The following ABTB3 variants were observed in gnomAD, a reference collection of about 807,000 sequenced individuals.
ABTB3 encodes the protein ankyrin repeat and BTB domain containing 3.
At chr12:107,560,935 G>T in the ABTB3 span, among the ~76,000 whole-genome samples, 1 of 152,214 alleles carries the variant, frequency 6.6e-6, no homozygotes, top group Non-Finnish European at 1.5e-5. Flanking sequence ...TTTTCTGTGT[G>T]TATAAGAAGC....
the ABTB3 span, among the ~76,000 whole-genome samples, chr12:107,415,929 A>C: frequency 7.9e-5 from 12 of 152,082 alleles, no homozygotes; most frequent in Admixed American, 6.5e-4. Context: ...TGACAGTCTG[A>C]GTCTGAAATC....
the ABTB3 span, among the ~76,000 whole-genome samples, chr12:107,428,164 G>T: frequency 6.6e-6 from 1 of 152,206 alleles, no homozygotes; most frequent in African/African-American, 2.4e-5. Flanking sequence ...TTGTTGAATG[G>T]CTGGTTGAAA....
At chr12:107,654,038 G>A in the ABTB3 span, among the ~76,000 whole-genome samples, 1 of 152,130 alleles carries the variant, frequency 6.6e-6, no homozygotes, top group Non-Finnish European at 1.5e-5. Flanking sequence ...GAATCATACA[G>A]TATTTGTCTT....
the ABTB3 span, among the ~76,000 whole-genome samples, chr12:107,537,911 G>A: frequency 3.3e-5 from 5 of 152,098 alleles, no homozygotes; most frequent in African/African-American, 4.8e-5. Flanking sequence ...CACAGCCTGC[G>A]GCCTTGGCCT....
chr12:107,545,344 C>T, the ABTB3 span, among the ~76,000 whole-genome samples: 1 of 152,004 alleles, frequency 6.6e-6, no homozygotes, highest in African/African-American at 2.4e-5. Context: ...CCGGCTCAAG[C>T]GATTCTCATT....
chr12:107,620,129 C>T, the ABTB3 span: 1 of 1,614,234 alleles, frequency 6.2e-7, no homozygotes. Context: ...TACCCAAGGC[C>T]TGCCCCTGAT....
the ABTB3 span, among the ~76,000 whole-genome samples, chr12:107,623,547 G>T: frequency 6.6e-6 from 1 of 151,366 alleles, no homozygotes; most frequent in African/African-American, 2.4e-5. Context: ...TTATATTTTT[G>T]GTAGAGACAG....
the ABTB3 span, chr12:107,657,961 C>T: frequency 5.5e-6 from 3 of 550,176 alleles, no homozygotes; most frequent in Middle Eastern, 5.0e-4. Context: ...TGAAAGCACC[C>T]CTAGGACCAT....
the ABTB3 span, among the ~76,000 whole-genome samples, chr12:107,355,645 T>C: frequency 6.6e-6 from 1 of 152,162 alleles, no homozygotes; most frequent in Non-Finnish European, 1.5e-5. Flanking sequence ...ATAATGAAAT[T>C]GCATCTAACA....
At chr12:107,570,969 A>G in the ABTB3 span, among the ~76,000 whole-genome samples, 1 of 152,340 alleles carries the variant, frequency 6.6e-6, no homozygotes, top group African/African-American at 2.4e-5. Flanking sequence ...AGCTGCCTGC[A>G]GTATATCCTG....
At chr12:107,469,874 C>CTTTCTT in the ABTB3 span, among the ~76,000 whole-genome samples, 95 of 93,002 alleles carry the variant, frequency 1.0e-3, 1 homozygote, top group African/African-American at 4.7e-3. Flanking sequence ...TCTTTTCTTT[C>CTTTCTT]TTTCTTTCTT....
chr12:107,595,329 C>A, the ABTB3 span, among the ~76,000 whole-genome samples: 13,582 of 152,110 alleles, frequency 0.089, 696 homozygotes, highest in Middle Eastern at 0.12. Flanking sequence ...TGAAGGAAAG[C>A]AAGCCACAGG....
chr12:107,594,191 C>A, the ABTB3 span, among the ~76,000 whole-genome samples: 1 of 152,332 alleles, frequency 6.6e-6, no homozygotes, highest in South Asian at 2.1e-4. Flanking sequence ...GCTGCCTCGT[C>A]ATTTTCTACT....
At chr12:107,615,118 G>T in the ABTB3 span, 1 of 1,613,938 alleles carries the variant, frequency 6.2e-7, no homozygotes, top group Non-Finnish European at 8.5e-7. Flanking sequence ...CCATTGGACG[G>T]CTCTGACTTT....
the ABTB3 span, among the ~76,000 whole-genome samples, chr12:107,535,077 A>G: frequency 1.3e-5 from 2 of 152,234 alleles, no homozygotes; most frequent in Non-Finnish European, 2.9e-5. Context: ...GCAGCACATC[A>G]GAAACATAAT....
At chr12:107,371,924 G>T in the ABTB3 span, among the ~76,000 whole-genome samples, 1 of 152,178 alleles carries the variant, frequency 6.6e-6, no homozygotes, top group Non-Finnish European at 1.5e-5. Flanking sequence ...TGCTACTGAT[G>T]AGAATCGGCA....
chr12:107,625,122 T>C, the ABTB3 span, among the ~76,000 whole-genome samples: 1 of 152,256 alleles, frequency 6.6e-6, no homozygotes, highest in Non-Finnish European at 1.5e-5. Flanking sequence ...CCACTATCTG[T>C]GTATTCTCTT....
At chr12:107,527,151 C>A in the ABTB3 span, among the ~76,000 whole-genome samples, 14 of 152,086 alleles carry the variant, frequency 9.2e-5, no homozygotes, top group Non-Finnish European at 1.6e-4. Flanking sequence ...ACTCCCTATT[C>A]CCTCTTCTGC....
At chr12:107,438,202 T>C in the ABTB3 span, among the ~76,000 whole-genome samples, 7 of 152,100 alleles carry the variant, frequency 4.6e-5, no homozygotes, top group African/African-American at 1.7e-4. Context: ...GAACTCTCTA[T>C]GTGATGTTCT....
Sources: gnomAD v4.1 joint callset for allele counts (sites outside exome capture counted in the v4.1 genomes callset) on GRCh38, gnomAD v4.1.1 for gene constraint, MANE v1.5 for transcripts, NCBI Gene and HGNC (gene_info 2026-07-23, HGNC 2026-07-21) for gene names.